Variants in C10orf90 observed in about 807,000 individuals in gnomAD.
C10orf90 encodes the protein chromosome 10 open reading frame 90, also known as (E2-independent) E3 ubiquitin-conjugating enzyme FATS.
Under a neutral mutation model 62.5 loss-of-function variants are expected in C10orf90, and 56 were observed. That is an observed-to-expected ratio of 0.90 (90% confidence interval 0.72 to 1.12). The LOEUF is 1.12. Ranked by LOEUF, C10orf90 falls within the 50% of genes most tolerant of loss-of-function variation. C10orf90 has a pLI of 0.00. For missense variants in C10orf90, 970 were observed against 880.4 expected (o/e 1.10, Z -1.29); for synonymous variants, 386 against 340.4 (o/e 1.13, Z -1.47).
At chr10:126,551,998 G>A in intron 2 of C10orf90, among the ~76,000 whole-genome samples, 1 of 152,186 alleles carries the variant, frequency 6.6e-6, no homozygotes, top group South Asian at 2.1e-4. Flanking sequence ...ACTGTAAAAT[G>A]GTTAAGAAAC....
At chr10:126,478,802 C>G (rs1590977426) in intron 4 of C10orf90, among the ~76,000 whole-genome samples, 1 of 152,204 alleles carries the variant, frequency 6.6e-6, no homozygotes, top group South Asian at 2.1e-4. Context: ...TGTGCCAACT[C>G]CTTTCTTGTG....
intron 2 of C10orf90, among the ~76,000 whole-genome samples, chr10:126,611,805 G>T (rs964417445): frequency 6.6e-6 from 1 of 152,104 alleles, no homozygotes; most frequent in Non-Finnish European, 1.5e-5. Flanking sequence ...CATTTCTGGG[G>T]TTCTCTCTGG....
chr10:126,626,284 G>A (rs1164417551), intron 2 of C10orf90, among the ~76,000 whole-genome samples: 4 of 152,194 alleles, frequency 2.6e-5, no homozygotes, highest in African/African-American at 9.7e-5. Flanking sequence ...CAGGACAGAA[G>A]CATCCTAGAA....
At chr10:126,565,112 AT>A (rs1844316475) in intron 2 of C10orf90, among the ~76,000 whole-genome samples, 15 of 47,284 alleles carry the variant, frequency 3.2e-4, no homozygotes, top group African/African-American at 1.1e-3. Context: ...TATAAAATAT[AT>A]ATTATATAAT....
At position 126,584,621 on chromosome 10, in the gene C10orf90, C is replaced by T. The variant is rs141025188; in HGVS notation, c.313+61944G>A. Among the ~76,000 whole-genome samples the T allele has an allele frequency of 2.5e-3, 386 of 152,234 alleles. 2 individuals carry two copies. Among genetic ancestry groups the T allele is most frequent in the African/African-American group, 8.0e-3 (332 of 41,536 alleles). Reference sequence around the variant, plus strand: ...ATTCAGGAGAGATGTACTTTGCTCACGTGTGCCCATGTTTTGCCCCTGTCC... The same window carrying T: ...ATTCAGGAGAGATGTACTTTGCTCATGTGTGCCCATGTTTTGCCCCTGTCC... On this transcript the variant is annotated intron_variant, in intron 2 of 9. Coordinates refer to ENST00000488181, the MANE Select transcript of C10orf90 (RefSeq NM_001350921.2).
At chr10:126,657,090 G>A (rs768907887) in intron 1 of C10orf90, among the ~76,000 whole-genome samples, 59 of 152,134 alleles carry the variant, frequency 3.9e-4, no homozygotes, top group Middle Eastern at 3.4e-3. Flanking sequence ...TCTGCATAGG[G>A]GCCAGTACTC....
At chr10:126,609,875 C>T (rs1393116042) in intron 2 of C10orf90, among the ~76,000 whole-genome samples, 1 of 152,156 alleles carries the variant, frequency 6.6e-6, no homozygotes, top group Non-Finnish European at 1.5e-5. Context: ...TGATCTGACT[C>T]CCAGTGTAAT....
At chr10:126,595,926 A>G (rs1371012139) in intron 2 of C10orf90, among the ~76,000 whole-genome samples, 1 of 152,068 alleles carries the variant, frequency 6.6e-6, no homozygotes, top group Non-Finnish European at 1.5e-5. Context: ...AATAAACCTC[A>G]GCCTGTACCT....
intron 2 of C10orf90, among the ~76,000 whole-genome samples, chr10:126,575,807 T>TGCC (rs1268270895): frequency 1.3e-5 from 2 of 151,940 alleles, no homozygotes; most frequent in Admixed American, 1.3e-4. Context: ...TTGACAAAGG[T>TGCC]GCCAAGAACA....
intron 2 of C10orf90, among the ~76,000 whole-genome samples, chr10:126,585,363 G>A (rs1413105607): frequency 6.8e-6 from 1 of 147,742 alleles, no homozygotes; most frequent in Non-Finnish European, 1.5e-5. Flanking sequence ...GCGAGGGGGG[G>A]AAGAAAGGAA....
intron 7 of C10orf90, among the ~76,000 whole-genome samples, chr10:126,443,003 G>A (rs546848134): frequency 6.6e-4 from 101 of 152,092 alleles, no homozygotes; most frequent in Admixed American, 1.5e-3. Context: ...CTGGGATACA[G>A]CAAAGACAGT....
chr10:126,568,180 T>A (rs1003751661), intron 2 of C10orf90, among the ~76,000 whole-genome samples: 6 of 152,142 alleles, frequency 3.9e-5, no homozygotes, highest in African/African-American at 1.4e-4. Flanking sequence ...CACATGTTTA[T>A]AACTCACAGG....
intron 2 of C10orf90, among the ~76,000 whole-genome samples, chr10:126,601,493 G>T (rs1488540198): frequency 6.6e-6 from 1 of 152,054 alleles, no homozygotes; most frequent in African/African-American, 2.4e-5. Context: ...GTGACACAGG[G>T]ACTGTGCTTT....
At chr10:126,581,389 G>C (rs182565853) in intron 2 of C10orf90, among the ~76,000 whole-genome samples, 2 of 152,158 alleles carry the variant, frequency 1.3e-5, no homozygotes, top group Admixed American at 6.5e-5. Context: ...AGCCAGGAGA[G>C]AGCGGTTTGA....
chr10:126,599,948 C>G (rs1488788422), intron 2 of C10orf90, among the ~76,000 whole-genome samples: 1 of 152,172 alleles, frequency 6.6e-6, no homozygotes, highest in Non-Finnish European at 1.5e-5. Flanking sequence ...ACCAATTAAT[C>G]AGTCAGAAAG....
At chr10:126,565,427 A>T in intron 2 of C10orf90, among the ~76,000 whole-genome samples, 1 of 13,368 alleles carries the variant, frequency 7.5e-5, no homozygotes, top group South Asian at 1.1e-3. Flanking sequence ...TATATATATT[A>T]TATATATTAT....
At position 126,504,281 on chromosome 10, in the gene C10orf90, C is replaced by G. The variant is rs768678284; in HGVS notation, c.1210G>C (p.Asp404His). Reference sequence around the variant, plus strand: ...ATTGGCTCTCTGTTCACTAGGCCATCTACTCCATCTGCTGTTAATCTGTGG... The same window carrying G: ...ATTGGCTCTCTGTTCACTAGGCCATGTACTCCATCTGCTGTTAATCTGTGG... ...SSHRLTADGV[D>H]GLVNREPISE... Residue 404 changes from aspartate (D) to histidine (H), a missense_variant, in exon 4 of 10, where the codon GAT becomes CAT. Coordinates refer to ENST00000488181, the MANE Select transcript of C10orf90 (RefSeq NM_001350921.2). This position sits in a 1 kb window ranked among gnomAD's most constrained non-coding sequence, Gnocchi z 4.1. 1.2e-6 allele frequency: 2 copies of G among 1,614,082 alleles called. No individual in the cohort carries two copies. Among genetic ancestry groups the G allele is most frequent in the Non-Finnish European group, 8.5e-7 (1 of 1,180,054 alleles).
chr10:126,496,964 CA>C (rs1364711822), intron 4 of C10orf90, among the ~76,000 whole-genome samples: 1 of 152,214 alleles, frequency 6.6e-6, no homozygotes, highest in Non-Finnish European at 1.5e-5. Context: ...ATGACCTCTA[CA>C]AAATAGCAAA....
chr10:126,474,351 A>G (rs991227144), intron 4 of C10orf90, among the ~76,000 whole-genome samples: 4 of 152,322 alleles, frequency 2.6e-5, no homozygotes, highest in Non-Finnish European at 4.4e-5. Context: ...TACATCAACC[A>G]TTAATGTCAG....
Sources: gnomAD v4.1 joint callset for allele counts (sites outside exome capture counted in the v4.1 genomes callset) on GRCh38, gnomAD v4.1.1 for gene constraint, Gnocchi (gnomAD v3.1) non-coding constraint, MANE v1.5 for transcripts, NCBI Gene and HGNC (gene_info 2026-07-23, HGNC 2026-07-21) for gene names.